ZNF354A: variants seen among roughly 807,000 people sequenced by gnomAD.
The protein encoded by ZNF354A is epididymis luminal protein 104.
Under a neutral mutation model 53.3 loss-of-function variants are expected in ZNF354A, and 25 were observed. The ratio of observed to expected loss-of-function variants is 0.47; its 90% CI spans 0.34 to 0.66. The LOEUF (loss-of-function observed/expected upper bound fraction) is 0.66, where lower values mean the gene tolerates loss of function less well. ZNF354A is among the 30% of genes least tolerant of loss of function. The probability of loss-of-function intolerance (pLI) is 0.01; values close to 1 mark genes in which losing one functional copy is unlikely to be tolerated. For synonymous variants in ZNF354A, 228 were observed against 249.0 expected, an observed-to-expected ratio of 0.92 and a Z score of 0.79; for missense variants, 586 against 716.8, an observed-to-expected ratio of 0.82 and a Z score of 2.08.
chr5:178,725,928 A>G (rs1331104442), intron 3 of ZNF354A: 3 of 277,062 alleles, frequency 1.1e-5, no homozygotes, highest in African/African-American at 6.7e-5. Context: ...GCTCACTGCA[A>G]CCTCCGTCTC....
intron 4 of ZNF354A, among the ~76,000 whole-genome samples, chr5:178,718,463 G>A (rs1305343799): frequency 1.3e-5 from 2 of 152,138 alleles, no homozygotes; most frequent in East Asian, 3.8e-4. Context: ...TATCTCCCTG[G>A]ATGATTTCAT....
chr5:178,719,196 T>A (rs1319246940), intron 4 of ZNF354A, among the ~76,000 whole-genome samples: 1 of 152,240 alleles, frequency 6.6e-6, no homozygotes, highest in African/African-American at 2.4e-5. Context: ...AAAAAGTACC[T>A]ACTATGTATT....
chr5:178,716,116 C>T lies in ZNF354A; in HGVS notation c.257-2495G>A, dbSNP rs186820026. 2.0e-4 allele frequency among the ~76,000 whole-genome samples: 30 copies of T among 152,142 alleles called. No individual in the cohort carries two copies. The East Asian group carries it at 3.1e-3, about 16-fold the overall frequency. ...TTCACCATGTTGGTCAGGCTGGTCT[C>T]GAACTCCTGATCTCATGTTCCGCCC... On this transcript the variant is annotated intron_variant, in intron 4 of 4. Transcript: ENST00000335815.
At chr5:178,715,652 A>G (rs750877642) in intron 4 of ZNF354A, among the ~76,000 whole-genome samples, 22 of 152,142 alleles carry the variant, frequency 1.4e-4, no homozygotes, top group Non-Finnish European at 2.8e-4. Context: ...GGCTTAATAT[A>G]TGTGCTGGGA....
chr5:178,722,847 G>A (rs181170312), intron 4 of ZNF354A, among the ~76,000 whole-genome samples: 16 of 152,334 alleles, frequency 1.1e-4, no homozygotes, highest in Admixed American at 2.6e-4. Context: ...AGGAGATGGC[G>A]TGGGGGCTGC....
intron 4 of ZNF354A, among the ~76,000 whole-genome samples, chr5:178,724,171 G>C (rs1445350331): frequency 6.6e-6 from 1 of 150,740 alleles, no homozygotes; most frequent in South Asian, 2.1e-4. Context: ...CTTCATCCAG[G>C]CCCTTCCACC....
Position 178,712,168 on chromosome 5 carries a change from T to C in ZNF354A, c.1710A>G (p.Arg570=). The change falls in exon 5 of 5, where the codon AGA becomes AGG. Residue 570 remains arginine (R), a synonymous_variant. Transcript: ENST00000335815. ...CATAGGGTTTCTCTCCAGTATGAAT[T>C]CTCTGATGTGCAATACGTGATGAGC... is the stretch of plus-strand genomic sequence containing the variant. The part of the protein sequence containing the change: ...RQSSSRIAHQ[R]IHTGEKPYEC... The C allele has an allele frequency of 6.2e-7, 1 of 1,614,070 alleles. No individual in the cohort carries two copies. Among genetic ancestry groups the C allele is most frequent in the South Asian group, 1.1e-5 (1 of 91,080 alleles).
intron 4 of ZNF354A, among the ~76,000 whole-genome samples, chr5:178,715,477 CAG>C (rs974014854): frequency 2.6e-5 from 4 of 152,094 alleles, no homozygotes; most frequent in African/African-American, 7.2e-5. Flanking sequence ...TAAGGGAAAG[CAG>C]AGTTTCTTAA....
At position 178,714,711 on chromosome 5, in the gene ZNF354A, C is replaced by CAT. The variant is rs549662358; in HGVS notation, c.257-1092_257-1091dup. On this transcript the variant is annotated intron_variant, in intron 4 of 4. Transcript: ENST00000335815. ...CAATGTCAAATATTCTTACGTATTTCATATATATACAAATATGCACATGTG... is the reference window on the plus strand; with the variant it reads ...CAATGTCAAATATTCTTACGTATTTCATATATATATACAAATATGCACATGTG... Among the ~76,000 whole-genome samples, 7 of 152,086 alleles carry CAT rather than the reference C, an allele frequency of 4.6e-5. No homozygotes were observed. The East Asian group carries it at 1.3e-3, about 29-fold the overall frequency.
chr5:178,717,201 C>T (rs1242150772), intron 4 of ZNF354A, among the ~76,000 whole-genome samples: 1 of 151,858 alleles, frequency 6.6e-6, no homozygotes, highest in Non-Finnish European at 1.5e-5. Flanking sequence ...CGGGAAGCCA[C>T]TGGGGAATTA....
At chr5:178,715,468 A>T (rs1436936263) in intron 4 of ZNF354A, among the ~76,000 whole-genome samples, 1 of 152,010 alleles carries the variant, frequency 6.6e-6, no homozygotes, top group Non-Finnish European at 1.5e-5. Flanking sequence ...TATTTACTGT[A>T]AGGGAAAGCA....
In ZNF354A at chr5:178,712,888, C is replaced by T. The variant is rs61735067; in HGVS notation, c.990G>A (p.Pro330=). ...HAEENPCKYN[P]GRKASSCSTS... Reference sequence around the variant, plus strand: ...TGCTGCAACTAGATGCCTTCCTACCCGGATTATACTTACAAGGGTTTTCTT... The same window carrying T: ...TGCTGCAACTAGATGCCTTCCTACCTGGATTATACTTACAAGGGTTTTCTT... Residue 330 remains proline (P), a synonymous_variant, in exon 5 of 5, where the codon CCG becomes CCA. Coordinates refer to ENST00000335815, the MANE Select transcript of ZNF354A (RefSeq NM_005649.3). The T allele has an allele frequency of 2.7e-3, 4,288 of 1,613,984 alleles. 108 individuals carry two copies. The African/African-American group carries it at 0.05, about 19-fold the overall frequency.
intron 4 of ZNF354A, among the ~76,000 whole-genome samples, chr5:178,717,772 A>G (rs1581744051): frequency 6.6e-6 from 1 of 152,202 alleles, no homozygotes; most frequent in Admixed American, 6.5e-5. Context: ...AAGAAGAATA[A>G]TATCAGGAGA....
At chr5:178,718,914 G>A (rs73328598) in intron 4 of ZNF354A, among the ~76,000 whole-genome samples, 2,339 of 152,048 alleles carry the variant, frequency 0.015, 49 homozygotes, top group African/African-American at 0.051. Flanking sequence ...TTTATCTTGC[G>A]TAGTGACAGG....
intron 3 of ZNF354A, chr5:178,726,019 T>C: frequency 2.9e-6 from 1 of 339,356 alleles, no homozygotes; most frequent in South Asian, 2.3e-5. Context: ...AAGTTTTGTA[T>C]TTTCAGTAGA....
rs1765901537 is a variant in ZNF354A, at chr5:178,726,113, A to G, written c.161-642T>C. The G allele has an allele frequency of 1.1e-5, 5 of 450,998 alleles. 1 individual carries two copies. The highest frequency in any genetic ancestry group is 2.4e-5 in the Admixed American group (1 of 42,386). 27.9% of individuals were successfully genotyped at this position (450,998 alleles called of 1,614,324 possible). A position where few individuals can be genotyped will look rare whatever the true frequency, so the allele number is the denominator to read the frequency against. On this transcript the variant is annotated intron_variant, in intron 3 of 4. Transcript: ENST00000335815. Reference sequence around the variant, plus strand: ...CGCCTCGGCCTCCCAAAGTGCTGGGATTACAGGTGTGAGCCACCGCGCCCG... The same window carrying G: ...CGCCTCGGCCTCCCAAAGTGCTGGGGTTACAGGTGTGAGCCACCGCGCCCG...
intron 4 of ZNF354A, among the ~76,000 whole-genome samples, chr5:178,716,802 G>A (rs1765723378): frequency 6.6e-6 from 1 of 152,104 alleles, no homozygotes; most frequent in South Asian, 2.1e-4. Context: ...AACGGGGCCG[G>A]GCGTGGTGGC....
At chr5:178,729,912 T>C (rs1439293186) in intron 1 of ZNF354A, among the ~76,000 whole-genome samples, 3 of 141,960 alleles carry the variant, frequency 2.1e-5, no homozygotes, top group Non-Finnish European at 4.6e-5. Flanking sequence ...TCGCTCAGGC[T>C]GGAGTGCAGG....
Position 178,724,721 on chromosome 5 carries a change from T to C in ZNF354A, c.256+655A>G, listed in dbSNP as rs112527801. Among the ~76,000 whole-genome samples the C allele has an allele frequency of 2.4e-3, 366 of 152,322 alleles. 2 individuals carry two copies. The highest frequency in any genetic ancestry group is 8.2e-3 in the African/African-American group (341 of 41,584). Reference sequence around the variant, plus strand: ...TCAGCTAAGGTGTGTCCTCCTAACCTTTCTCTCTGCTTATGTGCACATTAC... The same window carrying C: ...TCAGCTAAGGTGTGTCCTCCTAACCCTTCTCTCTGCTTATGTGCACATTAC... On this transcript the variant is annotated intron_variant, in intron 4 of 4. Transcript: ENST00000335815.
Sources: allele counts gnomAD v4.1 joint callset (sites outside exome capture counted in the v4.1 genomes callset), GRCh38; gene constraint gnomAD v4.1.1; transcripts MANE v1.5; gene names NCBI Gene and HGNC (gene_info 2026-07-23, HGNC 2026-07-21).